Variants in AKT3 observed in about 807,000 individuals in gnomAD.
AKT3 encodes RAC-gamma serine/threonine-protein kinase.
In AKT3, 15 loss-of-function variants were observed where a neutral mutation model predicts 65.3. The ratio of observed to expected loss-of-function variants is 0.23; its 90% CI spans 0.15 to 0.35. The LOEUF is 0.35. Among genes scored for constraint, AKT3 ranks in the 10% least tolerant of loss-of-function variants. The probability of loss-of-function intolerance (pLI) is 1.00; values close to 1 mark genes in which losing one functional copy is unlikely to be tolerated. For synonymous variants in AKT3, 206 were observed against 183.8 expected (o/e 1.12, Z -0.98); for missense variants, 243 against 576.5 (o/e 0.42, Z 5.92).
At chr1:243,638,228 G>A (rs1260109643) in intron 5 of AKT3, among the ~76,000 whole-genome samples, 1 of 152,128 alleles carries the variant, frequency 6.6e-6, no homozygotes, top group Non-Finnish European at 1.5e-5. Context: ...ATATTTATAA[G>A]AAATGTCGAG....
chr1:243,642,219 T>C (rs1387778896), intron 5 of AKT3, among the ~76,000 whole-genome samples: 1 of 152,250 alleles, frequency 6.6e-6, no homozygotes, highest in Admixed American at 6.5e-5. Flanking sequence ...ACAGTAATTG[T>C]GTAGTCTTTA....
At chr1:243,784,492 G>A (rs2148318754) in intron 2 of AKT3, among the ~76,000 whole-genome samples, 1 of 151,366 alleles carries the variant, frequency 6.6e-6, no homozygotes, top group South Asian at 2.1e-4. Flanking sequence ...TATTTATTCA[G>A]AATAAGAAAG....
intron 2 of AKT3, among the ~76,000 whole-genome samples, chr1:243,742,104 T>C (rs1688195594): frequency 1.4e-5 from 2 of 142,098 alleles, no homozygotes; most frequent in Non-Finnish European, 3.1e-5. Flanking sequence ...TAGAACAATA[T>C]ATGCAAATGT....
chr1:243,846,603 C>A (rs536852897), intron 1 of AKT3, among the ~76,000 whole-genome samples: 30 of 152,208 alleles, frequency 2.0e-4, no homozygotes, highest in Middle Eastern at 3.4e-3. Flanking sequence ...TGATTAAAGA[C>A]TATGATGCTA....
In AKT3 at chr1:243,629,724, G is replaced by A. The variant is rs186580653; in HGVS notation, c.561+7887C>T. On this transcript the variant is annotated intron_variant, in intron 6 of 13. Coordinates refer to ENST00000673466, the MANE Select transcript of AKT3 (RefSeq NM_005465.7). ...GGAGAATGGCGTGAACCCAGGAGGCGGGGCTTGCAGTGAGCCGAGATCGCG... is the reference window on the plus strand; with the variant it reads ...GGAGAATGGCGTGAACCCAGGAGGCAGGGCTTGCAGTGAGCCGAGATCGCG... 5.1e-3 allele frequency among the ~76,000 whole-genome samples: 776 copies of A among 152,058 alleles called. 9 individuals are homozygous for A. The highest frequency in any genetic ancestry group is 0.018 in the African/African-American group (736 of 41,450).
intron 8 of AKT3, among the ~76,000 whole-genome samples, chr1:243,575,586 A>T (rs1020017573): frequency 1.8e-4 from 28 of 152,306 alleles, no homozygotes; most frequent in Admixed American, 9.8e-4. Context: ...ATTGATTTTT[A>T]AAAAAAGAGG....
At chr1:243,517,267 G>A (rs1277109109) in intron 12 of AKT3, among the ~76,000 whole-genome samples, 1 of 152,108 alleles carries the variant, frequency 6.6e-6, no homozygotes, top group Non-Finnish European at 1.5e-5. Context: ...GTGACCTTGA[G>A]AAAAATAAGT....
At chr1:243,489,107 C>G in intron 13 of AKT3, 1 of 1,613,068 alleles carries the variant, frequency 6.2e-7, no homozygotes, top group Non-Finnish European at 8.5e-7. Context: ...AGAGGCAGAG[C>G]CTGTCGGAAG....
At chr1:243,736,486 T>C (rs565535822) in intron 2 of AKT3, among the ~76,000 whole-genome samples, 2 of 152,150 alleles carry the variant, frequency 1.3e-5, no homozygotes, top group South Asian at 4.2e-4. Context: ...GGAATCATAG[T>C]CCTGGAAGAA....
At chr1:243,758,133 A>G (rs913786248) in intron 2 of AKT3, among the ~76,000 whole-genome samples, 29 of 152,344 alleles carry the variant, frequency 1.9e-4, no homozygotes, top group African/African-American at 5.3e-4. Flanking sequence ...TTCACTTGAC[A>G]AATATTAAGT....
intron 2 of AKT3, among the ~76,000 whole-genome samples, chr1:243,728,580 G>A (rs1049206353): frequency 1.3e-5 from 2 of 152,132 alleles, no homozygotes; most frequent in African/African-American, 4.8e-5. Flanking sequence ...AACTTTATGG[G>A]AACAGATAGG....
chr1:243,590,647 C>G (rs1158694562), intron 8 of AKT3, among the ~76,000 whole-genome samples: 4 of 151,816 alleles, frequency 2.6e-5, no homozygotes, highest in Non-Finnish European at 4.4e-5. Context: ...CAAACAACAT[C>G]TAAAATAAAA....
intron 8 of AKT3, among the ~76,000 whole-genome samples, chr1:243,590,326 C>T (rs989146068): frequency 1.3e-5 from 2 of 152,012 alleles, no homozygotes; most frequent in Non-Finnish European, 1.5e-5. Flanking sequence ...AATACATACA[C>T]GTATCAAATC....
At chr1:243,810,104 A>C (rs192130616) in intron 2 of AKT3, among the ~76,000 whole-genome samples, 87 of 152,330 alleles carry the variant, frequency 5.7e-4, no homozygotes, top group African/African-American at 2.0e-3. Context: ...CTGACATCAC[A>C]ATTAAAAGAA....
rs141201811 is a variant in AKT3 at position 243,769,312 on chromosome 1, C to T, written c.47-73596G>A. Among the ~76,000 whole-genome samples, 817 of 152,224 alleles carry T rather than the reference C, an allele frequency of 5.4e-3. 6 individuals carry two copies. Among genetic ancestry groups the T allele is most frequent in the Non-Finnish European group, 9.1e-3 (618 of 68,016 alleles). Reference sequence around the variant, plus strand: ...TTTGTACAACCATATGACTTTGATGCCTTTAGAAATACACCCAGGTGTAGA... The same window carrying T: ...TTTGTACAACCATATGACTTTGATGTCTTTAGAAATACACCCAGGTGTAGA... On this transcript the variant is annotated intron_variant, in intron 2 of 13. Transcript: ENST00000673466.
At chr1:243,637,885 G>C in intron 5 of AKT3, 143 bp from the exon 6 acceptor site, 1 of 511,222 alleles carries the variant, frequency 2.0e-6, no homozygotes, top group Non-Finnish European at 3.3e-6. Flanking sequence ...AATCAGACTG[G>C]CATTGGCTGT....
intron 2 of AKT3, among the ~76,000 whole-genome samples, chr1:243,701,260 T>C (rs1685444338): frequency 6.6e-6 from 1 of 152,214 alleles, no homozygotes; most frequent in African/African-American, 2.4e-5. Flanking sequence ...ATGGAAAAGA[T>C]CTTCAGAAAT....
intron 2 of AKT3, among the ~76,000 whole-genome samples, chr1:243,714,041 C>T (rs1466603770): frequency 6.6e-6 from 1 of 152,114 alleles, no homozygotes; most frequent in Admixed American, 6.5e-5. Context: ...GGGTTTTTTC[C>T]TCTCTTTTTA....
At chr1:243,640,356 C>G (rs1341911600) in intron 5 of AKT3, among the ~76,000 whole-genome samples, 3 of 152,190 alleles carry the variant, frequency 2.0e-5, no homozygotes, top group Non-Finnish European at 2.9e-5. Context: ...CCATTTCTCC[C>G]TGTATGCACA....
Sources: gnomAD v4.1 joint callset for allele counts (sites outside exome capture counted in the v4.1 genomes callset) on GRCh38, gnomAD v4.1.1 for gene constraint, MANE v1.5 for transcripts, NCBI Gene and HGNC (gene_info 2026-07-23, HGNC 2026-07-21) for gene names.